KLF7: variants seen among roughly 807,000 people sequenced by gnomAD.
KLF7 encodes KLF transcription factor 7, also known as Krueppel-like factor 7.
KLF7 carries 2 observed loss-of-function variants against 27.3 expected under a neutral mutation model. That is an observed-to-expected ratio of 0.07 (90% CI 0.03 to 0.23). The LOEUF is 0.23. KLF7 is among the 10% of genes least tolerant of loss of function. The pLI is 1.00. For missense variants in KLF7, 221 were observed against 394.1 expected, an observed-to-expected ratio of 0.56 and a Z score of 3.72; for synonymous variants, 165 against 162.4, an observed-to-expected ratio of 1.02 and a Z score of -0.12.
intron 2 of KLF7, among the ~76,000 whole-genome samples, chr2:207,101,527 G>C (rs1212645963): frequency 1.3e-5 from 2 of 152,292 alleles, no homozygotes; most frequent in East Asian, 3.9e-4. Context: ...AGAGATAAGA[G>C]ACAGTGGTTT....
Position 207,080,267 on chromosome 2 carries a change from T to G in KLF7, c.*946A>C, listed in dbSNP as rs1325830597. ...AAGATAAAACATTTAAGCTTCCAAA[T>G]AAGCTTTTCAAGTTTTCGTTAGCAA... On this transcript the variant is annotated 3_prime_UTR_variant, in exon 4 of 4. Coordinates refer to ENST00000309446, the MANE Select transcript of KLF7 (RefSeq NM_003709.4). The G allele has an allele frequency of 6.6e-6, 1 of 152,132 alleles. No individual in the cohort carries two copies. The highest frequency in any genetic ancestry group is 2.4e-5 in the African/African-American group (1 of 41,414). The allele number at this position is 152,132 out of a possible 1,614,324, so 9.4% of individuals were successfully genotyped here. A position where few individuals can be genotyped will look rare whatever the true frequency, so the allele number is the denominator to read the frequency against.
intron 1 of KLF7, among the ~76,000 whole-genome samples, chr2:207,157,386 G>A (rs375537474): frequency 1.3e-5 from 2 of 151,906 alleles, no homozygotes; most frequent in East Asian, 3.9e-4. Context: ...GGAATGGGTG[G>A]AACTTGGACA....
At chr2:207,088,701 A>G (rs1461419894) in intron 2 of KLF7, 120 bp from the exon 3 acceptor site, 1 of 1,101,056 alleles carries the variant, frequency 9.1e-7, no homozygotes, top group African/African-American at 1.6e-5. Context: ...TTCCTGAAAG[A>G]CTAGATTTCC....
chr2:207,149,893 C>T lies in KLF7; in HGVS notation c.102+15574G>A, dbSNP rs2078195215. On this transcript the variant is annotated intron_variant, in intron 1 of 3. Coordinates refer to ENST00000309446, the MANE Select transcript of KLF7 (RefSeq NM_003709.4). ...CAGTGTGCCATAAACTAGGAGGCTT[C>T]CATGGACGTAGACATATAGGTAAGT... Among the ~76,000 whole-genome samples, 10 of 152,306 alleles carry T rather than the reference C, an allele frequency of 6.6e-5. No homozygotes were observed. The South Asian group carries it at 2.1e-3, about 32-fold the overall frequency.
chr2:207,089,757 G>C (rs1425683146), intron 2 of KLF7, among the ~76,000 whole-genome samples: 1 of 152,100 alleles, frequency 6.6e-6, no homozygotes, highest in Admixed American at 6.5e-5. Flanking sequence ...AGGGTTTAGA[G>C]AAGATAAATC....
At chr2:207,092,980 C>T (rs1480526964) in intron 2 of KLF7, among the ~76,000 whole-genome samples, 2 of 152,218 alleles carry the variant, frequency 1.3e-5, no homozygotes, top group African/African-American at 2.4e-5. Flanking sequence ...TAGCTTTGCT[C>T]TCAGCCCCAC....
chr2:207,085,834 T>A (rs1227042063), intron 3 of KLF7, among the ~76,000 whole-genome samples: 1 of 152,202 alleles, frequency 6.6e-6, no homozygotes, highest in East Asian at 1.9e-4. Context: ...AGTCATCACA[T>A]GGCTATGGCA....
chr2:207,136,642 C>T (rs1344273330), intron 1 of KLF7, among the ~76,000 whole-genome samples: 1 of 152,182 alleles, frequency 6.6e-6, no homozygotes, highest in African/African-American at 2.4e-5. Flanking sequence ...TTATCTTTCC[C>T]TATTAACATA....
chr2:207,149,873 T>C (rs1290164863), intron 1 of KLF7, among the ~76,000 whole-genome samples: 1 of 152,230 alleles, frequency 6.6e-6, no homozygotes, highest in Non-Finnish European at 1.5e-5. Context: ...GACCCCAGTG[T>C]GCCATAAACT....
chr2:207,106,119 G>T (rs942297908), intron 2 of KLF7, among the ~76,000 whole-genome samples: 1 of 152,168 alleles, frequency 6.6e-6, no homozygotes, highest in African/African-American at 2.4e-5. Context: ...AATTATATAT[G>T]TGGCTCACAT....
At chr2:207,127,049 T>C (rs576983102) in intron 1 of KLF7, among the ~76,000 whole-genome samples, 1 of 152,278 alleles carries the variant, frequency 6.6e-6, no homozygotes, top group African/African-American at 2.4e-5. Flanking sequence ...GGCTGAGATA[T>C]TCTAAATACA....
intron 1 of KLF7, among the ~76,000 whole-genome samples, chr2:207,151,150 C>T (rs1026101440): frequency 6.6e-6 from 1 of 152,012 alleles, no homozygotes; most frequent in African/African-American, 2.4e-5. Context: ...AAGAAAACAG[C>T]AATGGGAATA....
intron 1 of KLF7, among the ~76,000 whole-genome samples, chr2:207,156,278 C>T (rs1250878092): frequency 6.6e-6 from 1 of 152,236 alleles, no homozygotes; most frequent in Non-Finnish European, 1.5e-5. Context: ...AGGAGCTAAG[C>T]CTTCTATGGG....
chr2:207,098,928 T>C lies in KLF7; in HGVS notation c.734-10347A>G, dbSNP rs1294461324. On this transcript the variant is annotated intron_variant, in intron 2 of 3. Transcript: ENST00000309446. ...AGCCACTGTGTCTATTCCCAAACTATTAATTTTTGAATCACCTTAAAAGAT... is the reference window on the plus strand; with the variant it reads ...AGCCACTGTGTCTATTCCCAAACTACTAATTTTTGAATCACCTTAAAAGAT... 2.0e-5 allele frequency among the ~76,000 whole-genome samples: 3 copies of C among 151,992 alleles called. No individual in the cohort carries two copies. In the East Asian group the frequency reaches 5.8e-4, roughly 29 times the overall value.
At chr2:207,121,423 A>G (rs1054670764) in intron 2 of KLF7, 2 of 152,206 alleles carry the variant, frequency 1.3e-5, no homozygotes, top group African/African-American at 4.8e-5. Context: ...TATTTGTTTT[A>G]TCTTTTTTAC....
chr2:207,096,442 C>T (rs2076632765), intron 2 of KLF7, among the ~76,000 whole-genome samples: 1 of 152,198 alleles, frequency 6.6e-6, no homozygotes, highest in Non-Finnish European at 1.5e-5. Flanking sequence ...GTATCAGAAT[C>T]TGTTTTTAGC....
At chr2:207,102,639 T>C (rs2076794243) in intron 2 of KLF7, among the ~76,000 whole-genome samples, 1 of 152,246 alleles carries the variant, frequency 6.6e-6, no homozygotes, top group Admixed American at 6.5e-5. Flanking sequence ...ACCCTTACCA[T>C]TTCATACATT....
At chr2:207,137,497 A>G (rs900094426) in intron 1 of KLF7, among the ~76,000 whole-genome samples, 6 of 152,218 alleles carry the variant, frequency 3.9e-5, no homozygotes, top group African/African-American at 1.4e-4. Context: ...ATGAAAAGGT[A>G]TCTCTACTGA....
At position 207,076,875 on chromosome 2, in the gene KLF7, T is replaced by C. The variant is rs546734305; in HGVS notation, c.*4338A>G. 5 of 152,342 alleles carry C rather than the reference T, an allele frequency of 3.3e-5. No individual in the cohort carries two copies. In the South Asian group the frequency reaches 6.2e-4, roughly 19 times the overall value. 9.4% of individuals were successfully genotyped at this position (152,342 alleles called of 1,614,324 possible). A position where few individuals can be genotyped will look rare whatever the true frequency, so the allele number is the denominator to read the frequency against. On this transcript the variant is annotated 3_prime_UTR_variant, in exon 4 of 4. Coordinates refer to ENST00000309446, the MANE Select transcript of KLF7 (RefSeq NM_003709.4). Reference sequence around the variant, plus strand: ...GCAAAGGAAAGCTTCCAGGAGTAAATTTCAATCAGGTTCTATTTACTGAAT... The same window carrying C: ...GCAAAGGAAAGCTTCCAGGAGTAAACTTCAATCAGGTTCTATTTACTGAAT...
Sources: allele counts gnomAD v4.1 joint callset (sites outside exome capture counted in the v4.1 genomes callset), GRCh38; gene constraint gnomAD v4.1.1; transcripts MANE v1.5; gene names NCBI Gene and HGNC (gene_info 2026-07-23, HGNC 2026-07-21).